The following GARIN5B variants were observed in gnomAD, a reference collection of about 807,000 sequenced individuals.
GARIN5B encodes the protein golgi associated RAB2 interactor family member 5B.
chr19:55,355,689 CGAA>C, the GARIN5B span, among the ~76,000 whole-genome samples: 1 of 152,090 alleles, frequency 6.6e-6, no homozygotes, highest in Admixed American at 6.6e-5. Flanking sequence ...GCCAAATGTA[CGAA>C]TTAAGAATCC....
the GARIN5B span, chr19:55,362,317 G>A: frequency 6.4e-7 from 1 of 1,550,414 alleles, no homozygotes; most frequent in Non-Finnish European, 8.7e-7. Context: ...TGGTCCTGGG[G>A]GTCCAGGTGG....
the GARIN5B span, chr19:55,359,550 G>A: frequency 6.4e-7 from 1 of 1,551,498 alleles, no homozygotes; most frequent in Non-Finnish European, 8.7e-7. Flanking sequence ...GGGGCCTTCT[G>A]GGGAGGAGCC....
At chr19:55,361,431 G>T in the GARIN5B span, 1 of 1,502,408 alleles carries the variant, frequency 6.7e-7, no homozygotes, top group Non-Finnish European at 8.9e-7. Context: ...CTGATGGGCT[G>T]GTCCTGCAGA....
At chr19:55,358,679 G>T in the GARIN5B span, 1 of 1,551,310 alleles carries the variant, frequency 6.4e-7, no homozygotes, top group East Asian at 2.4e-5. Context: ...TGACGTGGCC[G>T]ACGCCTGCGG....
At chr19:55,358,383 G>A in the GARIN5B span, 1 of 1,508,748 alleles carries the variant, frequency 6.6e-7, no homozygotes, top group Non-Finnish European at 8.9e-7. Context: ...AGGGGCGATG[G>A]CCGTAAGTCC....
At chr19:55,354,967 C>CT in the GARIN5B span, 1 of 156,990 alleles carries the variant, frequency 6.4e-6, no homozygotes, top group Non-Finnish European at 1.3e-5. Context: ...GGCTCGCCCC[C>CT]GCCCCCCCCC....
chr19:55,358,186 C>T, the GARIN5B span: 31 of 1,534,336 alleles, frequency 2.0e-5, no homozygotes, highest in Non-Finnish European at 2.7e-5. Flanking sequence ...CCTGTATCTC[C>T]TCTGCCTTGG....
chr19:55,359,236 A>C, the GARIN5B span: 2 of 1,550,882 alleles, frequency 1.3e-6, no homozygotes, highest in Admixed American at 2.0e-5. Context: ...GGTATTCGGT[A>C]GGTGAGGTTG....
At chr19:55,359,197 C>T in the GARIN5B span, 4 of 1,551,328 alleles carry the variant, frequency 2.6e-6, no homozygotes, top group Non-Finnish European at 3.5e-6. Flanking sequence ...GGAGCTTCCC[C>T]CGTGAGGCAG....
chr19:55,358,470 A>T, the GARIN5B span: 1 of 1,533,110 alleles, frequency 6.5e-7, no homozygotes, highest in East Asian at 2.5e-5. Context: ...GTGGGCTTGG[A>T]GCGAAAGGGC....
chr19:55,363,069 T>C, the GARIN5B span: 2 of 1,495,676 alleles, frequency 1.3e-6, no homozygotes, highest in Non-Finnish European at 1.8e-6. The surrounding 1 kb of genome is among the most constrained non-coding windows in gnomAD (Gnocchi z 4.0). Context: ...CAGATCATGG[T>C]GGCTGTGGTG....
At chr19:55,361,864 C>T in the GARIN5B span, among the ~76,000 whole-genome samples, 49 of 147,078 alleles carry the variant, frequency 3.3e-4, 2 homozygotes, top group African/African-American at 1.1e-3. Context: ...ACTGCCAGCC[C>T]TTCACCCTCA....
chr19:55,360,860 G>A, the GARIN5B span: 1 of 1,548,110 alleles, frequency 6.5e-7, no homozygotes, highest in Non-Finnish European at 8.7e-7. Context: ...TACCAGGCAA[G>A]CGGATTTGGG....
the GARIN5B span, chr19:55,363,155 G>C: frequency 7.7e-7 from 1 of 1,296,606 alleles, no homozygotes; most frequent in Non-Finnish European, 1.0e-6. This position sits in a 1 kb window ranked among gnomAD's most constrained non-coding sequence, Gnocchi z 4.0. Context: ...TTGACCCGTG[G>C]GGCTTCACGG....
At chr19:55,358,764 T>C in the GARIN5B span, 2 of 1,548,822 alleles carry the variant, frequency 1.3e-6, no homozygotes, top group Non-Finnish European at 1.7e-6. Flanking sequence ...GCCGTGATCA[T>C]GAGCTTGGTG....
chr19:55,360,775 T>C, the GARIN5B span: 33 of 1,551,628 alleles, frequency 2.1e-5, no homozygotes, highest in African/African-American at 2.7e-5. Flanking sequence ...CTTCTCTGGA[T>C]GGGGGAGCCG....
chr19:55,361,199 GCCA>G, the GARIN5B span: 3 of 1,551,132 alleles, frequency 1.9e-6, no homozygotes, highest in African/African-American at 1.4e-5. Context: ...TCTCTGAGCA[GCCA>G]CCGTCTTATG....
At chr19:55,358,381 T>C in the GARIN5B span, 2 of 1,508,774 alleles carry the variant, frequency 1.3e-6, no homozygotes, top group Non-Finnish European at 1.8e-6. Context: ...AGAGGGGCGA[T>C]GGCCGTAAGT....
At chr19:55,361,788 C>T in the GARIN5B span, among the ~76,000 whole-genome samples, 4,226 of 12,264 alleles carry the variant, frequency 0.34, 1,416 homozygotes, top group Non-Finnish European at 0.38. Context: ...CCAGACCCCA[C>T]AGCCCCTCCT....
Sources: allele counts gnomAD v4.1 joint callset (sites outside exome capture counted in the v4.1 genomes callset), GRCh38; gene constraint gnomAD v4.1.1; non-coding constraint Gnocchi (gnomAD v3.1); transcripts MANE v1.5; gene names NCBI Gene and HGNC (gene_info 2026-07-23, HGNC 2026-07-21).